RBFOX1: variants seen among roughly 807,000 people sequenced by gnomAD.
The protein encoded by RBFOX1 is RNA binding protein fox-1 homolog 1.
In RBFOX1, 8 loss-of-function variants were observed where a neutral mutation model predicts 57.7. The observed-to-expected ratio is 0.14, with a 90% CI of 0.08 to 0.25. The LOEUF (loss-of-function observed/expected upper bound fraction) is 0.25, where lower values mean the gene tolerates loss of function less well. Among genes scored for constraint, RBFOX1 ranks in the 10% least tolerant of loss-of-function variants. The pLI is 1.00. For synonymous variants in RBFOX1, 326 were observed against 222.4 expected (o/e 1.47, Z -4.15); for missense variants, 611 against 548.5 (o/e 1.11, Z -1.14).
chr16:6,837,267 C>G (rs373255108), intron 3 of RBFOX1, among the ~76,000 whole-genome samples: 2 of 152,318 alleles, frequency 1.3e-5, no homozygotes, highest in South Asian at 4.1e-4. Context: ...TCTGAGCGTG[C>G]TGCTAGTCTG....
chr16:6,493,491 TA>T (rs1257053978), intron 2 of RBFOX1, among the ~76,000 whole-genome samples: 4 of 152,300 alleles, frequency 2.6e-5, no homozygotes, highest in Admixed American at 6.5e-5. Flanking sequence ...ACAGTACTAT[TA>T]TTTTTTTTAT....
At chr16:7,008,600 C>G (rs762650059) in intron 3 of RBFOX1, among the ~76,000 whole-genome samples, 265 of 149,006 alleles carry the variant, frequency 1.8e-3, no homozygotes, top group Non-Finnish European at 5.7e-4. Context: ...AGGTTGATAG[C>G]TATAAAAATG....
At chr16:6,199,974 C>T (rs1210606409) in intron 1 of RBFOX1, among the ~76,000 whole-genome samples, 1 of 152,154 alleles carries the variant, frequency 6.6e-6, no homozygotes, top group Non-Finnish European at 1.5e-5. Context: ...GCCAGCTATC[C>T]AAGGTTTTTG....
intron 2 of RBFOX1, among the ~76,000 whole-genome samples, chr16:6,543,871 A>C (rs2153836228): frequency 6.6e-6 from 1 of 152,324 alleles, no homozygotes; most frequent in Non-Finnish European, 1.5e-5. Context: ...AAGAAGAAGA[A>C]GGGGAACCCA....
chr16:7,472,940 A>G (rs1344747915), intron 4 of RBFOX1, among the ~76,000 whole-genome samples: 4 of 121,976 alleles, frequency 3.3e-5, no homozygotes, highest in Admixed American at 1.6e-4. Flanking sequence ...CGTCTGAAAA[A>G]CATACAGGGA....
rs543285506 is a variant in RBFOX1, at chr16:5,451,313, C to T, written c.220-15903C>T. On this transcript the variant is annotated intron_variant, in intron 1 of 2. Transcript: ENST00000585867. The stretch of plus-strand genomic sequence containing the variant: ...GATAGAAAGGAGACCTCTCAGAGAG[C>T]GATGATTTGTAATGACCCATCAACA... 5.3e-5 allele frequency among the ~76,000 whole-genome samples: 8 copies of T among 152,072 alleles called. No individual in the cohort carries two copies. In the South Asian group the frequency reaches 8.3e-4, roughly 16 times the overall value.
chr16:5,259,430 C>G (rs2062674352), intron 1 of RBFOX1, among the ~76,000 whole-genome samples: 1 of 152,182 alleles, frequency 6.6e-6, no homozygotes, highest in African/African-American at 2.4e-5. Context: ...TGGTGCTATT[C>G]TGCTGAAACT....
intron 4 of RBFOX1, among the ~76,000 whole-genome samples, chr16:5,882,150 C>G (rs1262993195): frequency 6.6e-6 from 1 of 152,230 alleles, no homozygotes; most frequent in Non-Finnish European, 1.5e-5. Context: ...CAGGCATTCT[C>G]TTTCCACACA....
chr16:6,157,804 A>C (rs951496971), intron 1 of RBFOX1, among the ~76,000 whole-genome samples: 1 of 152,180 alleles, frequency 6.6e-6, no homozygotes, highest in Admixed American at 6.5e-5. Flanking sequence ...TGCCAAGTGG[A>C]TTTTGCTAAG....
chr16:5,660,503 T>C (rs1171875762), intron 3 of RBFOX1, among the ~76,000 whole-genome samples: 1 of 152,206 alleles, frequency 6.6e-6, no homozygotes, highest in African/African-American at 2.4e-5. Flanking sequence ...ATACGTTGTG[T>C]GTGATGCGTT....
intron 12 of RBFOX1, among the ~76,000 whole-genome samples, chr16:7,656,631 T>C (rs375053109): frequency 2.6e-5 from 4 of 152,208 alleles, no homozygotes; most frequent in African/African-American, 9.6e-5. Context: ...AAAACTAAGA[T>C]TTGACTGACG....
At position 7,166,428 on chromosome 16, in the gene RBFOX1, C is replaced by T. The variant is rs887951697; in HGVS notation, c.27+114330C>T. Among the ~76,000 whole-genome samples the T allele has an allele frequency of 5.3e-5, 8 of 151,762 alleles. 1 individual carries two copies. Among genetic ancestry groups the T allele is most frequent in the African/African-American group, 1.9e-4 (8 of 41,260 alleles). ...GAAAGATAGAAAACTATAGAGGAGT[C>T]CATGAATAAATGTGATTCAGAGGGG... On this transcript the variant is annotated intron_variant, in intron 4 of 15. Transcript: ENST00000550418.
chr16:5,758,044 G>T (rs1050416634), intron 3 of RBFOX1, among the ~76,000 whole-genome samples: 1 of 152,104 alleles, frequency 6.6e-6, no homozygotes, highest in African/African-American at 2.4e-5. Flanking sequence ...AGCAACCTGG[G>T]GTTGGAAGCC....
At chr16:5,382,071 C>T (rs1277169603) in intron 1 of RBFOX1, among the ~76,000 whole-genome samples, 1 of 152,184 alleles carries the variant, frequency 6.6e-6, no homozygotes, top group Admixed American at 6.5e-5. Flanking sequence ...AGAACAAAAT[C>T]ACCCCCCTGG....
chr16:6,049,760 A>C (rs1039732547), intron 1 of RBFOX1, among the ~76,000 whole-genome samples: 1 of 152,170 alleles, frequency 6.6e-6, no homozygotes, highest in Non-Finnish European at 1.5e-5. Context: ...GAAGGCACTG[A>C]GAATTTGCAT....
At chr16:6,764,420 G>T (rs1277125743) in intron 3 of RBFOX1, among the ~76,000 whole-genome samples, 1 of 152,168 alleles carries the variant, frequency 6.6e-6, no homozygotes, top group African/African-American at 2.4e-5. Flanking sequence ...TCTGTTACCA[G>T]CAGGTAATGC....
chr16:5,443,399 G>C (rs576052805), intron 1 of RBFOX1, among the ~76,000 whole-genome samples: 2 of 152,042 alleles, frequency 1.3e-5, no homozygotes, highest in Non-Finnish European at 2.9e-5. Flanking sequence ...GTGCAGTGTC[G>C]CGATCTTGGC....
At chr16:6,627,074 C>T (rs1193170459) in intron 2 of RBFOX1, among the ~76,000 whole-genome samples, 3 of 152,246 alleles carry the variant, frequency 2.0e-5, no homozygotes, top group African/African-American at 7.2e-5. Flanking sequence ...TCCTGGCGGT[C>T]TGGCTCTAAA....
chr16:7,077,213 C>G (rs1041662701), intron 4 of RBFOX1, among the ~76,000 whole-genome samples: 2 of 152,192 alleles, frequency 1.3e-5, no homozygotes, highest in Non-Finnish European at 2.9e-5. Flanking sequence ...TCAGGCTAGT[C>G]TTTGTTCAGA....
Sources: allele counts gnomAD v4.1 joint callset (sites outside exome capture counted in the v4.1 genomes callset), GRCh38; gene constraint gnomAD v4.1.1; transcripts MANE v1.5; gene names NCBI Gene and HGNC (gene_info 2026-07-23, HGNC 2026-07-21).